TAFA2: variants seen among roughly 807,000 people sequenced by gnomAD.
TAFA2 encodes the protein chemokine-like protein TAFA-2.
TAFA2 carries 7 observed loss-of-function variants against 18.8 expected under a neutral mutation model. That is an observed-to-expected ratio of 0.37 (90% CI 0.21 to 0.70). The LOEUF (loss-of-function observed/expected upper bound fraction) is 0.70. Ranked by LOEUF, TAFA2 falls within the 30% of genes least tolerant of loss-of-function variation. The pLI is 0.53. For missense variants in TAFA2, 122 were observed against 158.1 expected (o/e 0.77, Z 1.23); for synonymous variants, 60 against 54.2 (o/e 1.11, Z -0.47).
At chr12:62,229,872 T>A (rs929243885) in intron 1 of TAFA2, among the ~76,000 whole-genome samples, 2 of 151,690 alleles carry the variant, frequency 1.3e-5, no homozygotes, top group African/African-American at 4.9e-5. Context: ...GTTGTTGTTG[T>A]TGGGAGACTT....
intron 1 of TAFA2, among the ~76,000 whole-genome samples, chr12:62,121,765 TG>T (rs1351574312): frequency 1.3e-5 from 2 of 152,216 alleles, no homozygotes; most frequent in East Asian, 3.8e-4. Flanking sequence ...GATAGGACAG[TG>T]ACCAAGGTAG....
chr12:62,048,490 C>A (rs1446126543), intron 1 of TAFA2, among the ~76,000 whole-genome samples: 3 of 152,122 alleles, frequency 2.0e-5, no homozygotes, highest in Non-Finnish European at 4.4e-5. Context: ...GGTGGGCACA[C>A]AAAGCCTAAC....
chr12:61,794,803 T>A (rs1319658910), intron 2 of TAFA2, among the ~76,000 whole-genome samples: 1 of 151,700 alleles, frequency 6.6e-6, no homozygotes, highest in African/African-American at 2.4e-5. Flanking sequence ...ACCCACACAA[T>A]GGGAAAAAAT....
At chr12:62,172,293 A>T (rs978912869) in intron 1 of TAFA2, among the ~76,000 whole-genome samples, 7 of 152,070 alleles carry the variant, frequency 4.6e-5, no homozygotes, top group African/African-American at 7.2e-5. Flanking sequence ...GTGCCAGGAA[A>T]TGTGCAAAGA....
intron 1 of TAFA2, among the ~76,000 whole-genome samples, chr12:62,246,937 T>A (rs2062889392): frequency 6.6e-6 from 1 of 152,104 alleles, no homozygotes; most frequent in Non-Finnish European, 1.5e-5. Context: ...TTGTTTTTTT[T>A]AATTAGGTAT....
At chr12:61,851,851 C>T (rs1592434645) in intron 2 of TAFA2, among the ~76,000 whole-genome samples, 1 of 89,226 alleles carries the variant, frequency 1.1e-5, no homozygotes, top group South Asian at 4.5e-4. Flanking sequence ...AATTATCAAA[C>T]GTTTATTTTT....
chr12:61,923,643 A>G (rs2121371803), intron 1 of TAFA2, among the ~76,000 whole-genome samples: 1 of 152,262 alleles, frequency 6.6e-6, no homozygotes, highest in East Asian at 1.9e-4. Flanking sequence ...AGTCAGCACA[A>G]AAAGGCTGAG....
chr12:61,926,601 G>A (rs1057446118), intron 1 of TAFA2, among the ~76,000 whole-genome samples: 1 of 152,022 alleles, frequency 6.6e-6, no homozygotes, highest in Non-Finnish European at 1.5e-5. Context: ...AAAACCACAG[G>A]ATTATATCAA....
At chr12:62,186,845 A>G (rs2062589313) in intron 1 of TAFA2, among the ~76,000 whole-genome samples, 1 of 152,160 alleles carries the variant, frequency 6.6e-6, no homozygotes, top group African/African-American at 2.4e-5. Flanking sequence ...ATCTGATTTC[A>G]AGTAAACTAG....
intron 1 of TAFA2, among the ~76,000 whole-genome samples, chr12:61,984,824 A>G (rs1879759912): frequency 6.6e-6 from 1 of 152,186 alleles, no homozygotes; most frequent in Admixed American, 6.5e-5. Context: ...TTATTTCCTA[A>G]CAATGCAAGT....
intron 1 of TAFA2, among the ~76,000 whole-genome samples, chr12:62,167,982 T>A (rs1325371446): frequency 1.3e-5 from 2 of 152,220 alleles, no homozygotes; most frequent in Admixed American, 1.3e-4. Flanking sequence ...TATAAATTCA[T>A]AATCATACTT....
At position 62,082,599 on chromosome 12, in the gene TAFA2, T is replaced by C. The variant is rs149666498; in HGVS notation, c.-2+108660A>G. Among the ~76,000 whole-genome samples, 6 of 152,316 alleles carry C rather than the reference T, an allele frequency of 3.9e-5. No individual in the cohort carries two copies. The East Asian group carries it at 1.2e-3, about 29-fold the overall frequency. ...GACACAGCCCTGCTTTCATGAAGCT[T>C]GTCAAGTTTAGATATTTCTTCCAAG... On this transcript the variant is annotated intron_variant, in intron 1 of 4. Coordinates refer to ENST00000416284, the MANE Select transcript of TAFA2 (RefSeq NM_178539.5).
At chr12:61,960,736 G>T (rs1277473367) in intron 1 of TAFA2, among the ~76,000 whole-genome samples, 2 of 147,120 alleles carry the variant, frequency 1.4e-5, no homozygotes, top group African/African-American at 5.0e-5. Context: ...TCATCCTTGT[G>T]TCTGTTTTTT....
chr12:62,016,714 T>G (rs922454617), intron 1 of TAFA2, among the ~76,000 whole-genome samples: 1 of 152,120 alleles, frequency 6.6e-6, no homozygotes. Flanking sequence ...TTCATACCGA[T>G]AGCAAAACCA....
At chr12:61,930,281 T>G (rs926241683) in intron 1 of TAFA2, among the ~76,000 whole-genome samples, 1 of 152,190 alleles carries the variant, frequency 6.6e-6, no homozygotes, top group Non-Finnish European at 1.5e-5. Flanking sequence ...TTGGCAAGAT[T>G]AAGCCTTGTT....
At chr12:62,115,550 C>A in intron 1 of TAFA2, among the ~76,000 whole-genome samples, 1 of 152,056 alleles carries the variant, frequency 6.6e-6, no homozygotes, top group East Asian at 1.9e-4. Context: ...GCAAGAAGTA[C>A]CACTTTTTGT....
At chr12:61,785,612 G>T (rs1368503172) in intron 2 of TAFA2, among the ~76,000 whole-genome samples, 1 of 151,408 alleles carries the variant, frequency 6.6e-6, no homozygotes, top group Non-Finnish European at 1.5e-5. Flanking sequence ...GAACTCTGCA[G>T]ATACCTATCC....
intron 2 of TAFA2, among the ~76,000 whole-genome samples, chr12:61,794,979 A>C (rs1160173354): frequency 2.0e-5 from 3 of 151,982 alleles, no homozygotes; most frequent in Admixed American, 6.5e-5. Context: ...ACATGAAAAA[A>C]TGCTCATCAT....
At chr12:61,985,719 T>C (rs1879788722) in intron 1 of TAFA2, among the ~76,000 whole-genome samples, 2 of 152,210 alleles carry the variant, frequency 1.3e-5, no homozygotes, top group East Asian at 3.8e-4. Context: ...TGCTCCTGTT[T>C]TGGAATGAGG....
Sources: gnomAD v4.1 joint callset for allele counts (sites outside exome capture counted in the v4.1 genomes callset) on GRCh38, gnomAD v4.1.1 for gene constraint, MANE v1.5 for transcripts, NCBI Gene and HGNC (gene_info 2026-07-23, HGNC 2026-07-21) for gene names.